The following RGP1 variants were observed in gnomAD, a reference collection of about 807,000 sequenced individuals.
The protein encoded by RGP1 is RGP1 partner of RAB6A GEF complex, also known as RAB6A-GEF complex partner protein 2.
In RGP1, 28 loss-of-function variants were observed where a neutral mutation model predicts 44.5. That is an observed-to-expected ratio of 0.63 (90% confidence interval 0.47 to 0.86). The LOEUF (loss-of-function observed/expected upper bound fraction) is 0.86, where lower values mean the gene tolerates loss of function less well. Among genes scored for constraint, RGP1 ranks in the 40% least tolerant of loss-of-function variants. RGP1 has a pLI of 0.00. For synonymous variants in RGP1, 212 were observed against 196.7 expected (o/e 1.08, Z -0.65); for missense variants, 417 against 490.7 (o/e 0.85, Z 1.42).
rs1227888334 is a variant in RGP1, at chr9:35,753,830, T to C, written c.*956T>C. On this transcript the variant is annotated 3_prime_UTR_variant, in exon 9 of 9. Transcript: ENST00000378078. The surrounding 1 kb of genome is among the most constrained non-coding windows in gnomAD (Gnocchi z 4.2). ...TGCTGATGAGAGGCAGAGGCTCTTC[T>C]GGTCTGGGGTGGAGACAGTAAGTAC... is the stretch of plus-strand genomic sequence containing the variant. The C allele has an allele frequency of 3.2e-6, 5 of 1,542,152 alleles. No homozygotes were observed. Among genetic ancestry groups the C allele is most frequent in the Non-Finnish European group, 4.5e-6 (5 of 1,118,658 alleles).
At chr9:35,773,646 C>T in the RGP1 span, among the ~76,000 whole-genome samples, 2 of 151,788 alleles carry the variant, frequency 1.3e-5, no homozygotes, top group African/African-American at 2.4e-5. Context: ...TGACTACAGG[C>T]GCATGCCACT....
At chr9:35,786,428 A>G in the RGP1 span, among the ~76,000 whole-genome samples, 1 of 152,206 alleles carries the variant, frequency 6.6e-6, no homozygotes, top group South Asian at 2.1e-4. Context: ...GAAGGGTGGT[A>G]ATAGGAAAAT....
At chr9:35,752,351 C>T (rs1827280510) in intron 8 of RGP1, among the ~76,000 whole-genome samples, 1 of 152,212 alleles carries the variant, frequency 6.6e-6, no homozygotes, top group Admixed American at 6.5e-5. Context: ...TGATAGAACT[C>T]CTTCCCCACA....
chr9:35,752,963 C>G lies in RGP1; in HGVS notation c.*89C>G. 1 of 1,532,768 alleles carries G rather than the reference C, an allele frequency of 6.5e-7. No individual in the cohort carries two copies. The highest frequency in any genetic ancestry group is 1.4e-5 in the African/African-American group (1 of 72,992). The allele number at this position is 1,532,768 out of a possible 1,614,324, so 94.9% of individuals were successfully genotyped here. A position where few individuals can be genotyped will look rare whatever the true frequency, so the allele number is the denominator to read the frequency against. On this transcript the variant is annotated 3_prime_UTR_variant, in exon 9 of 9. Coordinates refer to ENST00000378078, the MANE Select transcript of RGP1 (RefSeq NM_001080496.3). ...GGACCCACTTTTTCCACCTGGGGTCCAATGTCGTGGACAGTGAGAGTCGGG... is the reference window on the plus strand; with the variant it reads ...GGACCCACTTTTTCCACCTGGGGTCGAATGTCGTGGACAGTGAGAGTCGGG...
intron 8 of RGP1, 127 bp from the exon 9 acceptor site, chr9:35,752,524 G>A (rs568459116): frequency 1.2e-6 from 1 of 839,990 alleles, no homozygotes; most frequent in Non-Finnish European, 1.9e-6. Context: ...ACAGCTCCCT[G>A]CCCTGTGACT....
At chr9:35,764,885 G>A in the RGP1 span, among the ~76,000 whole-genome samples, 3 of 152,162 alleles carry the variant, frequency 2.0e-5, no homozygotes, top group African/African-American at 7.2e-5. Flanking sequence ...CAGCACTTTG[G>A]GATGCCGAGG....
the RGP1 span, among the ~76,000 whole-genome samples, chr9:35,783,197 T>G: frequency 6.6e-6 from 1 of 152,190 alleles, no homozygotes; most frequent in African/African-American, 2.4e-5. Flanking sequence ...TTTCTCTTTT[T>G]ATTTTATTTT....
chr9:35,771,275 C>G, the RGP1 span, among the ~76,000 whole-genome samples: 2 of 152,158 alleles, frequency 1.3e-5, no homozygotes, highest in African/African-American at 4.8e-5. Context: ...CAGCCCGGAG[C>G]ACAGCCAGCT....
intron 7 of RGP1, 59 bp from the exon 8 acceptor site, chr9:35,751,897 C>A: frequency 1.3e-6 from 2 of 1,557,806 alleles, no homozygotes; most frequent in Non-Finnish European, 1.7e-6. Context: ...TGAGGTTGGG[C>A]TGTCCTCTCA....
Position 35,753,967 on chromosome 9 carries a change from C to A in RGP1, c.*1093C>A. Reference sequence around the variant, plus strand: ...CATCCTCCCTGTGCCCTCTCTGCTGCTCCTCCATTCCTAACGCTTCACCCC... The same window carrying A: ...CATCCTCCCTGTGCCCTCTCTGCTGATCCTCCATTCCTAACGCTTCACCCC... On this transcript the variant is annotated 3_prime_UTR_variant, in exon 9 of 9. Transcript: ENST00000378078. The surrounding 1 kb of genome is among the most constrained non-coding windows in gnomAD (Gnocchi z 4.2). 1 of 1,597,166 alleles carries A rather than the reference C, an allele frequency of 6.3e-7. No individual in the cohort carries two copies. The highest frequency in any genetic ancestry group is 8.6e-7 in the Non-Finnish European group (1 of 1,168,892).
downstream of RGP1, among the ~76,000 whole-genome samples, chr9:35,760,343 T>C (rs57401365): frequency 1.7e-3 from 266 of 152,120 alleles, no homozygotes; most frequent in African/African-American, 6.2e-3. Flanking sequence ...GGATAATCCT[T>C]TGTTGTGGGG....
In RGP1 at chr9:35,749,979, C is replaced by G; in HGVS notation, c.116+108C>G. On this transcript the variant is annotated intron_variant, in intron 2 of 8. Transcript: ENST00000378078. The surrounding 1 kb of genome is among the most constrained non-coding windows in gnomAD (Gnocchi z 4.4). Reference sequence around the variant, plus strand: ...CCTGTAGCGACACCACCTCCTCTTGCTCACTGTGCTGTCATTGTAGGAGAG... The same window carrying G: ...CCTGTAGCGACACCACCTCCTCTTGGTCACTGTGCTGTCATTGTAGGAGAG... 1 of 913,948 alleles carries G rather than the reference C, an allele frequency of 1.1e-6. No homozygotes were observed. Among genetic ancestry groups the G allele is most frequent in the South Asian group, 1.6e-5 (1 of 64,210 alleles). 56.6% of individuals were successfully genotyped at this position (913,948 alleles called of 1,614,324 possible). A position where few individuals can be genotyped will look rare whatever the true frequency, so the allele number is the denominator to read the frequency against.
chr9:35,777,498 G>T, the RGP1 span, among the ~76,000 whole-genome samples: 58,385 of 147,286 alleles, frequency 0.4, 11,826 homozygotes, highest in South Asian at 0.55. Context: ...TATATATATA[G>T]AGAGAGAGAT....
At chr9:35,750,416 C>T (rs763096309) in intron 3 of RGP1, 37 bp downstream of exon 3, 18 of 1,608,166 alleles carry the variant, frequency 1.1e-5, no homozygotes, top group African/African-American at 9.4e-5. Flanking sequence ...AGGGGGGGTG[C>T]GGAGGGTGTG....
the RGP1 span, among the ~76,000 whole-genome samples, chr9:35,769,463 A>G: frequency 6.6e-6 from 1 of 152,214 alleles, no homozygotes; most frequent in Non-Finnish European, 1.5e-5. Flanking sequence ...TGTAGAGATA[A>G]GGGAATAAAC....
chr9:35,783,992 A>G, the RGP1 span, among the ~76,000 whole-genome samples: 1 of 152,194 alleles, frequency 6.6e-6, no homozygotes, highest in African/African-American at 2.4e-5. Context: ...AACTGGGATG[A>G]GATGATATCT....
chr9:35,789,983 C>T, the RGP1 span, among the ~76,000 whole-genome samples: 1 of 152,192 alleles, frequency 6.6e-6, no homozygotes, highest in South Asian at 2.1e-4. Flanking sequence ...CTTAGCCCTG[C>T]CATTCTGTAA....
At chr9:35,775,134 G>A in the RGP1 span, among the ~76,000 whole-genome samples, 2 of 152,150 alleles carry the variant, frequency 1.3e-5, no homozygotes, top group African/African-American at 4.8e-5. Flanking sequence ...TGGAGCCAGG[G>A]TCTTTGCCCT....
chr9:35,752,022 G>C lies in RGP1; in HGVS notation c.829G>C (p.Gly277Arg), dbSNP rs375988790. ...PEYQRRRGAG[G>R]VPSVSHVTHA... ...GTACCAGCGGCGACGTGGGGCAGGG[G>C]GTGTCCCCTCTGTGTCACATGTGAC... Residue 277 changes from glycine (G) to arginine (R), a missense_variant, in exon 8 of 9, where the codon GGT becomes CGT. Gly to Arg is a moderately radical substitution (Grantham distance 125). Transcript: ENST00000378078. The C allele has an allele frequency of 1.2e-4, 187 of 1,609,790 alleles. No homozygotes were observed. The highest frequency in any genetic ancestry group is 3.4e-5 in the Admixed American group (2 of 59,516).
Sources: gnomAD v4.1 joint callset for allele counts (sites outside exome capture counted in the v4.1 genomes callset) on GRCh38, gnomAD v4.1.1 for gene constraint, Gnocchi (gnomAD v3.1) non-coding constraint, MANE v1.5 for transcripts, NCBI Gene and HGNC (gene_info 2026-07-23, HGNC 2026-07-21) for gene names.